Variants in BLVRB observed in about 807,000 individuals in gnomAD.
BLVRB encodes flavin reductase (NADPH).
In BLVRB, 25 loss-of-function variants were observed where a neutral mutation model predicts 21.1. That is an observed-to-expected ratio of 1.19 (90% CI 0.86 to 1.66). BLVRB has a LOEUF of 1.66. Ranked by LOEUF, BLVRB falls within the 40% of genes most tolerant of loss-of-function variation. The probability of loss-of-function intolerance (pLI) is 0.00; values close to 1 mark genes in which losing one functional copy is unlikely to be tolerated. For synonymous variants in BLVRB, 128 were observed against 122.2 expected (o/e 1.05, Z -0.31); for missense variants, 274 against 282.7 (o/e 0.97, Z 0.22).
chr19:40,462,772 A>G (rs1348330005), intron 1 of BLVRB, among the ~76,000 whole-genome samples: 1 of 150,660 alleles, frequency 6.6e-6, no homozygotes, highest in African/African-American at 2.4e-5. Context: ...AGGCGCCTGT[A>G]GTCCCAGCTA....
At chr19:40,448,144 T>C in intron 4 of BLVRB, 98 bp from the exon 5 acceptor site, 1 of 1,339,776 alleles carries the variant, frequency 7.5e-7, no homozygotes, top group Non-Finnish European at 1.0e-6. Flanking sequence ...GCCTACTGTG[T>C]GTCCAGCCTG....
At chr19:40,464,238 A>G (rs1390036690) in intron 1 of BLVRB, among the ~76,000 whole-genome samples, 1 of 151,010 alleles carries the variant, frequency 6.6e-6, no homozygotes, top group Non-Finnish European at 1.5e-5. Context: ...GGCATGCATC[A>G]CCACGCCCAG....
rs1370301128 is a variant in BLVRB at position 40,451,181 on chromosome 19, AGATTCCAAG to A, written c.463+174_463+182del. 6.6e-5 allele frequency among the ~76,000 whole-genome samples: 10 copies of A among 152,312 alleles called. No homozygotes were observed. The East Asian group carries it at 1.9e-3, about 29-fold the overall frequency. ...TAGAAAAAGACATTTACCATTTTGG[AGATTCCAAG>A]GATTTTAGGAGTTGTATGCCAGGAA... is the stretch of plus-strand genomic sequence containing the variant. On this transcript the variant is annotated intron_variant, in intron 4 of 4. Transcript: ENST00000263368.
intron 1 of BLVRB, among the ~76,000 whole-genome samples, chr19:40,462,553 C>T (rs2079792429): frequency 6.7e-6 from 1 of 148,346 alleles, no homozygotes; most frequent in East Asian, 2.2e-4. Flanking sequence ...GCTGGGATTA[C>T]AGGCGTGAGC....
chr19:40,461,029 C>A (rs928810833), intron 1 of BLVRB, among the ~76,000 whole-genome samples: 40 of 151,996 alleles, frequency 2.6e-4, no homozygotes, highest in African/African-American at 9.6e-4. Flanking sequence ...CATAAAAAAC[C>A]AAAAAACCCA....
chr19:40,464,529 C>T (rs1001548216), intron 1 of BLVRB, among the ~76,000 whole-genome samples: 8 of 152,140 alleles, frequency 5.3e-5, no homozygotes, highest in Admixed American at 4.6e-4. Context: ...GCAGGGTGGG[C>T]GAGTGGAATT....
At chr19:40,465,483 CCT>C in intron 1 of BLVRB, 125 bp downstream of exon 1, 1 of 1,198,012 alleles carries the variant, frequency 8.3e-7, no homozygotes, top group Non-Finnish European at 1.2e-6. Flanking sequence ...TGCTTTGGCC[CCT>C]GAGTCCTCAT....
chr19:40,448,140 T>C (rs2079722491), intron 4 of BLVRB, 94 bp from the exon 5 acceptor site: 12 of 1,388,374 alleles, frequency 8.6e-6, no homozygotes, highest in African/African-American at 2.9e-5. Flanking sequence ...GGGTGCCTAC[T>C]GTGTGTCCAG....
intron 1 of BLVRB, among the ~76,000 whole-genome samples, chr19:40,461,914 C>T (rs1385723993): frequency 9.9e-5 from 15 of 152,212 alleles, no homozygotes; most frequent in Admixed American, 7.9e-4. Context: ...CCCGGTCCCC[C>T]CAGTAACTTG....
At chr19:40,461,339 C>A (rs928612161) in intron 1 of BLVRB, among the ~76,000 whole-genome samples, 1 of 152,144 alleles carries the variant, frequency 6.6e-6, no homozygotes, top group African/African-American at 2.4e-5. Flanking sequence ...GAGTTCTCCA[C>A]AGTAATATTT....
chr19:40,458,489 G>C lies in BLVRB; in HGVS notation c.136C>G (p.Arg46Gly). 1.9e-6 allele frequency: 3 copies of C among 1,610,438 alleles called. No individual in the cohort carries two copies. The highest frequency in any genetic ancestry group is 2.5e-6 in the Non-Finnish European group (3 of 1,178,860). ...DSSRLPSEGP[R>G]PAHVVVGDVL... Reference sequence around the variant, plus strand: ...TCTCCCACTACCACGTGGGCCGGCCGGGGCCCCTCTGATGGCAGCCTGGAG... The same window carrying C: ...TCTCCCACTACCACGTGGGCCGGCCCGGGCCCCTCTGATGGCAGCCTGGAG... The change falls in exon 2 of 5, where the codon CGG becomes GGG. Residue 46 changes from arginine (R) to glycine (G), a missense_variant. Physicochemically the swap from Arg to Gly is moderately radical, Grantham distance 125. Transcript: ENST00000263368.
At chr19:40,457,977 A>C (rs2079768898) in intron 3 of BLVRB, 178 bp downstream of exon 3, 1 of 626,828 alleles carries the variant, frequency 1.6e-6, no homozygotes, top group Non-Finnish European at 2.9e-6. Context: ...AGCAGGGCCC[A>C]GGGCTGTACA....
At chr19:40,457,688 A>C in intron 3 of BLVRB, 1 of 151,828 alleles carries the variant, frequency 6.6e-6, no homozygotes, top group Non-Finnish European at 1.4e-5. Context: ...ATAAATGATT[A>C]TACAGGGCAA....
At chr19:40,452,505 T>C (rs1269170894) in intron 3 of BLVRB, among the ~76,000 whole-genome samples, 1 of 151,642 alleles carries the variant, frequency 6.6e-6, no homozygotes, top group Non-Finnish European at 1.5e-5. Context: ...AGACAGAGTT[T>C]CCTTCCCTCT....
intron 1 of BLVRB, 121 bp downstream of exon 1, chr19:40,465,489 T>C (rs1459550509): frequency 8.0e-7 from 1 of 1,250,340 alleles, no homozygotes; most frequent in South Asian, 1.3e-5. Flanking sequence ...GGCCCCTGAG[T>C]CCTCATACAC....
chr19:40,451,387 A>T lies in BLVRB; in HGVS notation c.440T>A (p.Val147Glu). ...ACCTATGTGTGGCGGCATCACAGCCACGTACTTCAGGCCTGATTCCCGCAG... is the reference window on the plus strand; with the variant it reads ...ACCTATGTGTGGCGGCATCACAGCCTCGTACTTCAGGCCTGATTCCCGCAG... Reference protein sequence around the residue: ...KVLRESGLKYVAVMPPHIGDQ... With the variant: ...KVLRESGLKYEAVMPPHIGDQ... Residue 147 changes from valine (V) to glutamate (E), a missense_variant, in exon 4 of 5, where the codon GTG becomes GAG. Physicochemically the swap from Val to Glu is moderately radical, Grantham distance 121. Transcript: ENST00000263368. 1 of 1,608,008 alleles carries T rather than the reference A, an allele frequency of 6.2e-7. No homozygotes were observed. The highest frequency in any genetic ancestry group is 8.5e-7 in the Non-Finnish European group (1 of 1,177,588).
At position 40,465,668 on chromosome 19, in the gene BLVRB, C is replaced by T. The variant is rs751684316; in HGVS notation, c.21G>A (p.Ala7=). 2.5e-5 allele frequency: 41 copies of T among 1,612,734 alleles called. No homozygotes were observed. Among genetic ancestry groups the T allele is most frequent in the Non-Finnish European group, 3.1e-5 (36 of 1,179,806 alleles). The stretch of plus-strand genomic sequence containing the variant: ...CGGTCTGGCCAGTGGCGCCGAAGAT[C>T]GCGATCTTCTTGACGGCCATCGTAC... MAVKKI[A]IFGATGQTGL... The change falls in exon 1 of 5, where the codon GCG becomes GCA. Residue 7 remains alanine (A), a synonymous_variant. Coordinates refer to ENST00000263368, the MANE Select transcript of BLVRB (RefSeq NM_000713.3).
intron 4 of BLVRB, chr19:40,450,196 T>TAA (rs2079732917): frequency 4.1e-5 from 1 of 24,528 alleles, no homozygotes; most frequent in Non-Finnish European, 6.5e-5. Context: ...AGACTCTGTC[T>TAA]CAAAAAAAAA....
intron 3 of BLVRB, among the ~76,000 whole-genome samples, chr19:40,455,532 AAT>A (rs2079758680): frequency 6.6e-6 from 1 of 152,116 alleles, no homozygotes; most frequent in Non-Finnish European, 1.5e-5. Flanking sequence ...CTATACTAAA[AAT>A]ACACACACAC....
Sources: allele counts gnomAD v4.1 joint callset (sites outside exome capture counted in the v4.1 genomes callset), GRCh38; gene constraint gnomAD v4.1.1; transcripts MANE v1.5; gene names NCBI Gene and HGNC (gene_info 2026-07-23, HGNC 2026-07-21).